MGAT4C: variants seen among roughly 807,000 people sequenced by gnomAD.
MGAT4C encodes MGAT4 family member C, also known as alpha-1,3-mannosyl-glycoprotein 4-beta-N-acetylglucosaminyltransferase C.
Under a neutral mutation model 40.1 loss-of-function variants are expected in MGAT4C, and 19 were observed. That is an observed-to-expected ratio of 0.47 (90% CI 0.33 to 0.70). The LOEUF is 0.70. Among genes scored for constraint, MGAT4C ranks in the 30% least tolerant of loss-of-function variants. The pLI is 0.02. For synonymous variants in MGAT4C, 181 were observed against 187.1 expected (o/e 0.97, Z 0.27); for missense variants, 491 against 563.2 (o/e 0.87, Z 1.30).
At position 86,679,264 on chromosome 12, in the gene MGAT4C, T is replaced by C. The variant is rs143105207; in HGVS notation, c.-229+47945A>G. 4.0e-3 allele frequency among the ~76,000 whole-genome samples: 610 copies of C among 152,236 alleles called. 3 individuals carry two copies. The highest frequency in any genetic ancestry group is 0.014 in the African/African-American group (595 of 41,544). ...TGTCTGTTCATATCCTTCACCCACT[T>C]TTTGATGGGTTTGTTTTTTTCTTGT... On this transcript the variant is annotated intron_variant, in intron 2 of 7. Transcript: ENST00000548651.
chr12:86,176,325 G>A (rs1488534866), intron 1 of MGAT4C, among the ~76,000 whole-genome samples: 1 of 151,950 alleles, frequency 6.6e-6, no homozygotes, highest in East Asian at 1.9e-4. Context: ...TGTTTACCTG[G>A]GTTACTGATA....
intron 1 of MGAT4C, among the ~76,000 whole-genome samples, chr12:86,083,274 C>G (rs770412844): frequency 2.0e-5 from 3 of 151,996 alleles, no homozygotes; most frequent in African/African-American, 7.2e-5. Context: ...TAATTAAGGC[C>G]TTTACCTAGC....
chr12:86,733,948 T>A (rs1950948477), intron 1 of MGAT4C, among the ~76,000 whole-genome samples: 1 of 152,080 alleles, frequency 6.6e-6, no homozygotes, highest in Non-Finnish European at 1.5e-5. Flanking sequence ...TTTTACAAAA[T>A]ATGTATCCAC....
At chr12:86,032,924 C>T (rs1164583062) in intron 2 of MGAT4C, among the ~76,000 whole-genome samples, 1 of 149,758 alleles carries the variant, frequency 6.7e-6, no homozygotes, top group Admixed American at 6.7e-5. Flanking sequence ...TTTAAATCAT[C>T]TTGAGTTGAT....
chr12:86,804,548 G>T lies in MGAT4C; in HGVS notation c.-262+34118C>A, dbSNP rs147818154. On this transcript the variant is annotated intron_variant, in intron 1 of 7. Transcript: ENST00000548651. The stretch of plus-strand genomic sequence containing the variant: ...TCATTATAAGTGCTATATTGTAATT[G>T]AAATAAGTCTTTGTCAGTGACAAAA... Among the ~76,000 whole-genome samples, 7 of 151,832 alleles carry T rather than the reference G, an allele frequency of 4.6e-5. No homozygotes were observed. In the East Asian group the frequency reaches 1.2e-3, roughly 25 times the overall value.
chr12:86,606,349 T>C (rs1478560780), intron 2 of MGAT4C, among the ~76,000 whole-genome samples: 1 of 152,140 alleles, frequency 6.6e-6, no homozygotes, highest in East Asian at 1.9e-4. Flanking sequence ...GTTATTGCGG[T>C]GTGGACGTGG....
At chr12:85,989,586 G>T in intron 2 of MGAT4C, 34 bp from the exon 3 acceptor site, 2 of 1,530,010 alleles carry the variant, frequency 1.3e-6, no homozygotes, top group East Asian at 2.3e-5. Flanking sequence ...ACTAGCAGTT[G>T]GTTTTGGATG....
chr12:86,603,625 T>C (rs1361911743), intron 2 of MGAT4C, among the ~76,000 whole-genome samples: 2 of 125,224 alleles, frequency 1.6e-5, no homozygotes, highest in East Asian at 4.5e-4. Flanking sequence ...TATTATATAG[T>C]CTATAGACTA....
intron 1 of MGAT4C, among the ~76,000 whole-genome samples, chr12:86,084,541 T>TA: frequency 6.6e-6 from 1 of 151,934 alleles, no homozygotes; most frequent in East Asian, 1.9e-4. Context: ...ACTGTTTTTT[T>TA]AAAAAAGATA....
At chr12:86,160,566 T>C (rs1461118495) in intron 1 of MGAT4C, among the ~76,000 whole-genome samples, 1 of 151,996 alleles carries the variant, frequency 6.6e-6, no homozygotes, top group East Asian at 1.9e-4. Context: ...TTGGGTGGTG[T>C]GTTTTGTAGA....
chr12:86,474,708 C>A (rs914418450), intron 2 of MGAT4C, among the ~76,000 whole-genome samples: 1 of 151,844 alleles, frequency 6.6e-6, no homozygotes, highest in African/African-American at 2.4e-5. Flanking sequence ...GAAAGCCCAT[C>A]ATTTAACAGT....
At chr12:86,267,960 AG>A (rs1426122493) in intron 4 of MGAT4C, among the ~76,000 whole-genome samples, 4 of 152,112 alleles carry the variant, frequency 2.6e-5, no homozygotes, top group African/African-American at 9.7e-5. Flanking sequence ...GGACAGAAAT[AG>A]GTTTTGGTGG....
chr12:86,658,812 T>G (rs1963908968), intron 2 of MGAT4C, among the ~76,000 whole-genome samples: 1 of 152,114 alleles, frequency 6.6e-6, no homozygotes, highest in African/African-American at 2.4e-5. Flanking sequence ...TTTGGCCATG[T>G]GACTTGTGTT....
At chr12:86,212,346 C>A (rs1164580344) in intron 1 of MGAT4C, among the ~76,000 whole-genome samples, 1 of 151,980 alleles carries the variant, frequency 6.6e-6, no homozygotes, top group Non-Finnish European at 1.5e-5. Flanking sequence ...GAATATATAT[C>A]TTTAAAATAC....
intron 1 of MGAT4C, among the ~76,000 whole-genome samples, chr12:86,065,474 A>G (rs1401983048): frequency 2.0e-5 from 3 of 152,204 alleles, no homozygotes; most frequent in East Asian, 3.8e-4. Flanking sequence ...GATTATCTCA[A>G]TAGATGCAGG....
At position 86,766,468 on chromosome 12, in the gene MGAT4C, A is replaced by G. The variant is rs111946009; in HGVS notation, c.-261-39227T>C. ...ACATTAGAAAGATCAACGAGACAGA[A>G]AGTTAACAAGGATACCCGGGAATTG... is the stretch of plus-strand genomic sequence containing the variant. On this transcript the variant is annotated intron_variant, in intron 1 of 7. Coordinates refer to the MGAT4C transcript ENST00000548651. Among the ~76,000 whole-genome samples the G allele has an allele frequency of 4.3e-3, 649 of 152,278 alleles. 3 individuals are homozygous for G. Among genetic ancestry groups the G allele is most frequent in the African/African-American group, 0.015 (622 of 41,538 alleles).
intron 1 of MGAT4C, among the ~76,000 whole-genome samples, chr12:86,224,113 C>G (rs1157543705): frequency 2.0e-5 from 3 of 152,152 alleles, no homozygotes; most frequent in Admixed American, 2.0e-4. Context: ...CACTACGGAT[C>G]CCAAGACAGG....
At chr12:86,362,605 A>T (rs1403102550) in intron 3 of MGAT4C, among the ~76,000 whole-genome samples, 1 of 152,132 alleles carries the variant, frequency 6.6e-6, no homozygotes, top group East Asian at 1.9e-4. Flanking sequence ...TAATTGTACC[A>T]AGAAGTCAAA....
chr12:86,646,730 T>C (rs1314879819), intron 2 of MGAT4C, among the ~76,000 whole-genome samples: 2 of 152,124 alleles, frequency 1.3e-5, no homozygotes, highest in East Asian at 3.9e-4. Context: ...CATACCAGTG[T>C]GTACACTCTT....
Sources: gnomAD v4.1 joint callset for allele counts (sites outside exome capture counted in the v4.1 genomes callset) on GRCh38, gnomAD v4.1.1 for gene constraint, MANE v1.5 for transcripts, NCBI Gene and HGNC (gene_info 2026-07-23, HGNC 2026-07-21) for gene names.